PROX1: variants seen among roughly 807,000 people sequenced by gnomAD.
The protein encoded by PROX1 is prospero homeobox protein 1.
In PROX1, 7 loss-of-function variants were observed where a neutral mutation model predicts 58.8. That is an observed-to-expected ratio of 0.12 (90% CI 0.07 to 0.22). The LOEUF is 0.22. Ranked by LOEUF, PROX1 falls within the 10% of genes least tolerant of loss-of-function variation. The pLI is 1.00. For synonymous variants in PROX1, 350 were observed against 358.3 expected (o/e 0.98, Z 0.26); for missense variants, 675 against 927.8 (o/e 0.73, Z 3.54).
chr1:214,007,398 A>G (rs1297117631), intron 3 of PROX1, among the ~76,000 whole-genome samples: 1 of 152,256 alleles, frequency 6.6e-6, no homozygotes, highest in Non-Finnish European at 1.5e-5. Flanking sequence ...GCAAAGCAGA[A>G]AATCACTGAA....
intron 2 of PROX1, among the ~76,000 whole-genome samples, chr1:214,003,976 T>TGTGTGTGTGTGTG (rs11399035): frequency 2.3e-3 from 355 of 152,094 alleles, no homozygotes; most frequent in African/African-American, 7.8e-3. Flanking sequence ...GTGAGTGTGT[T>TGTGTGTGTGTGTG]TGTGTGTGTG....
chr1:214,026,810 C>T (rs1487667049), intron 4 of PROX1, among the ~76,000 whole-genome samples: 1 of 152,154 alleles, frequency 6.6e-6, no homozygotes, highest in Non-Finnish European at 1.5e-5. Flanking sequence ...TAGCAGCCCC[C>T]CAGATCCGTA....
At chr1:214,027,875 A>ATAT (rs534159479) in intron 4 of PROX1, among the ~76,000 whole-genome samples, 6 of 149,448 alleles carry the variant, frequency 4.0e-5, no homozygotes, top group Non-Finnish European at 8.9e-5. Flanking sequence ...TATATATATA[A>ATAT]AAGAGATACA....
At chr1:214,001,889 C>T (rs940452584) in intron 2 of PROX1, among the ~76,000 whole-genome samples, 1 of 152,022 alleles carries the variant, frequency 6.6e-6, no homozygotes, top group South Asian at 2.1e-4. Flanking sequence ...CCCTACACTA[C>T]ACAGCCCTCC....
chr1:214,033,363 C>G (rs954191067), intron 4 of PROX1, among the ~76,000 whole-genome samples: 2 of 152,108 alleles, frequency 1.3e-5, no homozygotes, highest in Non-Finnish European at 2.9e-5. Flanking sequence ...TTTGGGAGGC[C>G]AAGACGGGCA....
intron 4 of PROX1, among the ~76,000 whole-genome samples, chr1:214,031,986 C>T (rs1571846028): frequency 6.6e-6 from 1 of 152,330 alleles, no homozygotes; most frequent in East Asian, 1.9e-4. Context: ...CAGTCCATTG[C>T]ATGAGTATCA....
Position 213,996,580 on chromosome 1 carries a change from G to A in PROX1, c.45G>A (p.Lys15=), listed in dbSNP as rs771060571. The change falls in exon 2 of 5, where the codon AAG becomes AAA. Residue 15 remains lysine (K), a synonymous_variant. Transcript: ENST00000366958. ...CAGCCCTCTTAAGCCGGCAAACCAAGAGGAGAAGAGTTGACATTGGAGTGA... is the reference window on the plus strand; with the variant it reads ...CAGCCCTCTTAAGCCGGCAAACCAAAAGGAGAAGAGTTGACATTGGAGTGA... The part of the protein sequence containing the change: ...DSTALLSRQT[K]RRRVDIGVKR... 2 of 1,614,188 alleles carry A rather than the reference G, an allele frequency of 1.2e-6. No homozygotes were observed. The highest frequency in any genetic ancestry group is 2.2e-5 in the East Asian group (1 of 44,878).
At chr1:214,027,044 G>C (rs1238579281) in intron 4 of PROX1, among the ~76,000 whole-genome samples, 7 of 152,210 alleles carry the variant, frequency 4.6e-5, no homozygotes, top group African/African-American at 1.7e-4. Context: ...TGACTTGGAA[G>C]TGTACTGCCA....
In PROX1 at chr1:214,010,236, C is replaced by T. The variant is rs867425639; in HGVS notation, c.1834-1285C>T. 1.6e-4 allele frequency among the ~76,000 whole-genome samples: 24 copies of T among 152,072 alleles called. 1 individual carries two copies. Among genetic ancestry groups the T allele is most frequent in the Admixed American group, 9.2e-4 (14 of 15,260 alleles). Reference sequence around the variant, plus strand: ...TTTCTGGTCAATTATCTGTAAGGGCCCTTGCAACTCCATGGCAATTATGAT... The same window carrying T: ...TTTCTGGTCAATTATCTGTAAGGGCTCTTGCAACTCCATGGCAATTATGAT... On this transcript the variant is annotated intron_variant, in intron 3 of 4. Coordinates refer to ENST00000366958, the MANE Select transcript of PROX1 (RefSeq NM_001270616.2).
chr1:213,990,695 T>A (rs898001020), intron 1 of PROX1, among the ~76,000 whole-genome samples: 1 of 131,264 alleles, frequency 7.6e-6, no homozygotes, highest in South Asian at 2.5e-4. Context: ...TGTGTGTGTG[T>A]GTGTGTTTGT....
At chr1:214,020,442 T>A (rs1190630287) in intron 4 of PROX1, among the ~76,000 whole-genome samples, 1 of 152,208 alleles carries the variant, frequency 6.6e-6, no homozygotes, top group Non-Finnish European at 1.5e-5. Flanking sequence ...CCCTCAACAA[T>A]GACCTACTAT....
intron 4 of PROX1, among the ~76,000 whole-genome samples, chr1:214,015,699 G>T (rs1385153263): frequency 6.6e-6 from 1 of 152,130 alleles, no homozygotes; most frequent in Non-Finnish European, 1.5e-5. Context: ...TATATGTGCA[G>T]CTGCGAAAGG....
chr1:214,018,473 A>AC (rs971315316), intron 4 of PROX1, among the ~76,000 whole-genome samples: 1 of 152,096 alleles, frequency 6.6e-6, no homozygotes, highest in Non-Finnish European at 1.5e-5. Context: ...GTCTTCCTGC[A>AC]CCCCCCAATT....
chr1:214,037,271 CA>C lies in PROX1; in HGVS notation c.*1438del, dbSNP rs1230737741. ...TTTGTGTCCAGATGCAGTAAGAATT[CA>C]TTGTTCATCCTAAAACTGTTTTCCA... On this transcript the variant is annotated 3_prime_UTR_variant, in exon 5 of 5. Transcript: ENST00000366958. 3.3e-5 allele frequency: 5 copies of C among 152,184 alleles called. No homozygotes were observed. The East Asian group carries it at 9.7e-4, about 29-fold the overall frequency. The allele number at this position is 152,184 out of a possible 1,614,324, so 9.4% of individuals were successfully genotyped here.
At position 214,040,928 on chromosome 1, in the gene PROX1, C is replaced by A. The variant is rs1664989510; in HGVS notation, c.*5094C>A. 1 of 151,110 alleles carries A rather than the reference C, an allele frequency of 6.6e-6. No homozygotes were observed. The highest frequency in any genetic ancestry group is 1.5e-5 in the Non-Finnish European group (1 of 67,840). 9.4% of individuals were successfully genotyped at this position (151,110 alleles called of 1,614,324 possible). ...GTAATATTAATTGATATGATAAACA[C>A]AATGAGACTCCCTGTCCATATTAAA... On this transcript the variant is annotated 3_prime_UTR_variant, in exon 5 of 5. Transcript: ENST00000366958.
chr1:214,005,065 T>C, intron 2 of PROX1, 100 bp from the exon 3 acceptor site: 3 of 895,058 alleles, frequency 3.4e-6, no homozygotes, highest in South Asian at 1.6e-5. Flanking sequence ...CCACCGCAGC[T>C]TGATGGACCC....
chr1:213,999,886 T>C (rs1009320605), intron 2 of PROX1, among the ~76,000 whole-genome samples: 2 of 152,152 alleles, frequency 1.3e-5, no homozygotes, highest in Non-Finnish European at 2.9e-5. Flanking sequence ...CACAATGGCT[T>C]GAATGGTTTT....
intron 4 of PROX1, among the ~76,000 whole-genome samples, chr1:214,022,918 C>G (rs535462846): frequency 2.0e-5 from 3 of 152,160 alleles, no homozygotes; most frequent in Non-Finnish European, 4.4e-5. Flanking sequence ...CCTGGGAATC[C>G]AGATGGCTTC....
intron 4 of PROX1, among the ~76,000 whole-genome samples, chr1:214,024,868 C>T: frequency 6.6e-6 from 1 of 152,168 alleles, no homozygotes; most frequent in Admixed American, 6.5e-5. Flanking sequence ...GGCCCTGCTT[C>T]TTTTACCACC....
Sources: allele counts gnomAD v4.1 joint callset (sites outside exome capture counted in the v4.1 genomes callset), GRCh38; gene constraint gnomAD v4.1.1; transcripts MANE v1.5; gene names NCBI Gene and HGNC (gene_info 2026-07-23, HGNC 2026-07-21).